The following EYA4 variants were observed in gnomAD, a reference collection of about 807,000 sequenced individuals.
EYA4 encodes the protein EYA transcriptional coactivator and phosphatase 4, also known as protein phosphatase EYA4.
A neutral mutation model predicts 87.9 loss-of-function variants in EYA4; 31 were observed. The ratio of observed to expected loss-of-function variants is 0.35; its 90% CI spans 0.27 to 0.48. The LOEUF (loss-of-function observed/expected upper bound fraction) is 0.48, where lower values mean the gene tolerates loss of function less well. Among genes scored for constraint, EYA4 ranks in the 20% least tolerant of loss-of-function variants. EYA4 has a pLI of 0.99. For synonymous variants in EYA4, 263 were observed against 270.6 expected (o/e 0.97, Z 0.28); for missense variants, 678 against 761.4 (o/e 0.89, Z 1.29).
intron 2 of EYA4, among the ~76,000 whole-genome samples, chr6:133,340,538 A>G (rs1439545789): frequency 6.6e-6 from 1 of 152,210 alleles, no homozygotes; most frequent in Non-Finnish European, 1.5e-5. Flanking sequence ...GTGTTTATAC[A>G]GAGACTTCAT....
chr6:133,444,663 G>A (rs1309947613), intron 3 of EYA4, among the ~76,000 whole-genome samples: 1 of 152,162 alleles, frequency 6.6e-6, no homozygotes, highest in Non-Finnish European at 1.5e-5. Context: ...CAGTAGATGA[G>A]GGCTGCCCTC....
At chr6:133,480,447 G>A (rs888220485) in intron 11 of EYA4, among the ~76,000 whole-genome samples, 41 of 152,218 alleles carry the variant, frequency 2.7e-4, no homozygotes, top group Admixed American at 2.0e-4. Flanking sequence ...CAGATATGCC[G>A]TCCAGTGCTG....
At chr6:133,394,550 A>G (rs545000304) in intron 3 of EYA4, among the ~76,000 whole-genome samples, 1 of 151,978 alleles carries the variant, frequency 6.6e-6, no homozygotes, top group South Asian at 2.1e-4. Flanking sequence ...CCATACAGAC[A>G]TATTTGAGAA....
rs776128099 is a variant in EYA4, at chr6:133,274,838, T to C, written c.33+25T>C. On this transcript the variant is annotated intron_variant, in intron 2 of 19. Coordinates refer to ENST00000355286, the MANE Select transcript of EYA4 (RefSeq NM_004100.5). Reference sequence around the variant, plus strand: ...AGTAAGTCTTCATTCTCAGTTTTGCTGAAAAAAGTTGCGATAACACTACTG... The same window carrying C: ...AGTAAGTCTTCATTCTCAGTTTTGCCGAAAAAAGTTGCGATAACACTACTG... 10 of 1,605,232 alleles carry C rather than the reference T, an allele frequency of 6.2e-6. No individual in the cohort carries two copies. In the Admixed American group the frequency reaches 1.3e-4, roughly 21 times the overall value.
intron 3 of EYA4, among the ~76,000 whole-genome samples, chr6:133,441,284 T>C (rs7756044): frequency 0.095 from 14,514 of 152,268 alleles, 805 homozygotes; most frequent in Admixed American, 0.16. Flanking sequence ...ATAATACTTA[T>C]GTAATATATT....
At chr6:133,256,807 G>T (rs1236858230) in intron 1 of EYA4, among the ~76,000 whole-genome samples, 2 of 152,014 alleles carry the variant, frequency 1.3e-5, no homozygotes, top group Non-Finnish European at 2.9e-5. Flanking sequence ...AGAAAATTCT[G>T]TCTCCAGAAT....
intron 2 of EYA4, among the ~76,000 whole-genome samples, chr6:133,314,710 A>G (rs1479514067): frequency 6.6e-6 from 1 of 152,226 alleles, no homozygotes; most frequent in East Asian, 1.9e-4. Context: ...CCATAAAAAT[A>G]AAGCGCTAGT....
At chr6:133,459,981 TA>T (rs1446079636) in intron 6 of EYA4, among the ~76,000 whole-genome samples, 1 of 152,108 alleles carries the variant, frequency 6.6e-6, no homozygotes, top group Non-Finnish European at 1.5e-5. Flanking sequence ...TTAAACACAT[TA>T]AATGATGCAT....
rs1786297103 is a variant in EYA4, at chr6:133,382,390, A to G, written c.34-2A>G. On this transcript the variant is annotated splice_acceptor_variant, in intron 2 of 19. Coordinates refer to ENST00000355286, the MANE Select transcript of EYA4 (RefSeq NM_004100.5). LOFTEE classifies it high-confidence loss of function. ...AGAATAACTAGTACTCTTTTCTTAC[A>G]GGTAAAGAAAACGTGCACAGAATCA... The G allele has an allele frequency of 3.7e-6, 6 of 1,601,024 alleles. No homozygotes were observed. Among genetic ancestry groups the G allele is most frequent in the East Asian group, 2.2e-5 (1 of 44,760 alleles).
intron 13 of EYA4, among the ~76,000 whole-genome samples, chr6:133,493,005 T>TTTA (rs568961719): frequency 4.7e-3 from 713 of 152,270 alleles, no homozygotes; most frequent in Non-Finnish European, 7.7e-3. Flanking sequence ...AGAATCAATA[T>TTTA]TGTTAAAATG....
chr6:133,485,717 G>A (rs772989650), intron 13 of EYA4, among the ~76,000 whole-genome samples: 4 of 152,154 alleles, frequency 2.6e-5, no homozygotes, highest in Non-Finnish European at 5.9e-5. Flanking sequence ...TCAGACACTT[G>A]GAATGTGTTT....
At chr6:133,493,097 C>A (rs1437392166) in intron 13 of EYA4, among the ~76,000 whole-genome samples, 3 of 152,108 alleles carry the variant, frequency 2.0e-5, no homozygotes, top group Admixed American at 2.0e-4. Context: ...AAAAAACAAT[C>A]CTAAAATTTA....
intron 12 of EYA4, 109 bp from the exon 13 acceptor site, chr6:133,482,923 A>G (rs1796342649): frequency 1.2e-5 from 11 of 910,208 alleles, no homozygotes; most frequent in South Asian, 1.2e-4. Flanking sequence ...ATTATTTTCT[A>G]TTAAATGATA....
intron 3 of EYA4, among the ~76,000 whole-genome samples, chr6:133,445,684 C>T (rs9385648): frequency 0.24 from 35,909 of 151,666 alleles, 4,509 homozygotes; most frequent in East Asian, 0.32. Context: ...GTTCACACCA[C>T]TCTCCTGCCT....
intron 2 of EYA4, among the ~76,000 whole-genome samples, chr6:133,320,758 G>A (rs116164678): frequency 2.8e-3 from 431 of 152,036 alleles, no homozygotes; most frequent in African/African-American, 9.8e-3. Context: ...TAGGTCCCAC[G>A]TAAAAGTAAA....
At chr6:133,380,959 CCT>C (rs1235857987) in intron 2 of EYA4, among the ~76,000 whole-genome samples, 1 of 149,582 alleles carries the variant, frequency 6.7e-6, no homozygotes, top group African/African-American at 2.5e-5. Flanking sequence ...TCCCTCTCCT[CCT>C]CCTCCTCTTC....
At chr6:133,394,282 GTGTTTTTTTTTTTTTT>G (rs1345693679) in intron 3 of EYA4, among the ~76,000 whole-genome samples, 1,273 of 107,822 alleles carry the variant, frequency 0.012, 50 homozygotes, top group African/African-American at 0.056. Flanking sequence ...ATATAAGCTT[GTGTTTTTTTTTTTTTT>G]TTTTTTTTTT....
At position 133,531,103 on chromosome 6, in the gene EYA4, G is replaced by T; in HGVS notation, c.*2298G>T. On this transcript the variant is annotated 3_prime_UTR_variant, in exon 20 of 20. Coordinates refer to ENST00000355286, the MANE Select transcript of EYA4 (RefSeq NM_004100.5). ...CAAGGCTTTTTATGCTGCTAAGTCT[G>T]TGGGTGCAGAAAGAAACACCCCTTG... The T allele has an allele frequency of 6.7e-7, 1 of 1,485,600 alleles. No individual in the cohort carries two copies. Among genetic ancestry groups the T allele is most frequent in the Non-Finnish European group, 8.9e-7 (1 of 1,120,358 alleles). The allele number at this position is 1,485,600 out of a possible 1,614,324, so 92.0% of individuals were successfully genotyped here.
chr6:133,448,095 C>T lies in EYA4; in HGVS notation c.209-16C>T. 1 of 1,603,024 alleles carries T rather than the reference C, an allele frequency of 6.2e-7. No individual in the cohort carries two copies. The highest frequency in any genetic ancestry group is 8.5e-7 in the Non-Finnish European group (1 of 1,169,922). The stretch of plus-strand genomic sequence containing the variant: ...GGCATTCAGACAATGAACTTTTATA[C>T]TGTTCCTGTTCTCAGGGGAAAACAT... On this transcript the variant is annotated splice_polypyrimidine_tract_variant and intron_variant, in intron 4 of 19. Coordinates refer to ENST00000355286, the MANE Select transcript of EYA4 (RefSeq NM_004100.5).
Sources: allele counts gnomAD v4.1 joint callset (sites outside exome capture counted in the v4.1 genomes callset), GRCh38; gene constraint gnomAD v4.1.1; transcripts MANE v1.5; gene names NCBI Gene and HGNC (gene_info 2026-07-23, HGNC 2026-07-21).